The following HDHD5 variants were observed in gnomAD, a reference collection of about 807,000 sequenced individuals.
The protein encoded by HDHD5 is haloacid dehalogenase like hydrolase domain containing 5.
Under a neutral mutation model 35.5 loss-of-function variants are expected in HDHD5, and 34 were observed. The ratio of observed to expected loss-of-function variants is 0.96; its 90% CI spans 0.73 to 1.28. The LOEUF (loss-of-function observed/expected upper bound fraction) is 1.28. Ranked by LOEUF, HDHD5 falls within the 50% of genes most tolerant of loss-of-function variation. The probability of loss-of-function intolerance (pLI) is 0.00; values close to 1 mark genes in which losing one functional copy is unlikely to be tolerated. For synonymous variants in HDHD5, 248 were observed against 240.6 expected, an observed-to-expected ratio of 1.03 and a Z score of -0.29; for missense variants, 589 against 560.2, an observed-to-expected ratio of 1.05 and a Z score of -0.52.
chr22:17,138,360 G>A lies in HDHD5; in HGVS notation c.936-3C>T, dbSNP rs767158542. 2.1e-5 allele frequency: 33 copies of A among 1,602,496 alleles called. No homozygotes were observed. The highest frequency in any genetic ancestry group is 2.7e-5 in the African/African-American group (2 of 74,294). On this transcript the variant is annotated splice_polypyrimidine_tract_variant and splice_region_variant and intron_variant, in intron 7 of 7. Coordinates refer to ENST00000336737, the MANE Select transcript of HDHD5 (RefSeq NM_033070.3). ...ATACGTCAGACATAGGGTTATCACT[G>A]GCAGGGGCAGCCACACCGGAAAAGG...
intron 1 of HDHD5, among the ~76,000 whole-genome samples, chr22:17,155,844 A>G (rs2061783617): frequency 6.6e-6 from 1 of 152,232 alleles, no homozygotes; most frequent in African/African-American, 2.4e-5. Flanking sequence ...ATGGAACAGG[A>G]ACTCATAGCT....
chr22:17,159,211 C>A lies in HDHD5; in HGVS notation c.41G>T (p.Arg14Leu). 8.3e-7 allele frequency: 1 copy of A among 1,210,072 alleles called. No individual in the cohort carries two copies. The highest frequency in any genetic ancestry group is 3.4e-5 in the East Asian group (1 of 29,354). The allele number at this position is 1,210,072 out of a possible 1,614,324, so 75.0% of individuals were successfully genotyped here. A position where few individuals can be genotyped will look rare whatever the true frequency, so the allele number is the denominator to read the frequency against. ...WGCVAALGAA[R>L]GLCWRAARAA... ...GCGCGCCGCCCGCCAGCAAAGCCCACGCGCCGCGCCGAGCGCAGCCACACA... is the reference window on the plus strand; with the variant it reads ...GCGCGCCGCCCGCCAGCAAAGCCCAAGCGCCGCGCCGAGCGCAGCCACACA... The change falls in exon 1 of 8, where the codon CGT becomes CTT. Residue 14 changes from arginine (R) to leucine (L), a missense_variant. Physicochemically the swap from Arg to Leu is moderately radical, Grantham distance 102 (BLOSUM62 -2). Transcript: ENST00000336737.
At chr22:17,160,233 C>G (rs2061853859), upstream of HDHD5, among the ~76,000 whole-genome samples, 1 of 152,104 alleles carries the variant, frequency 6.6e-6, no homozygotes. Flanking sequence ...ATTAGCAGGC[C>G]AGGGTGCGGT....
chr22:17,164,222 GAAAAAAAAAA>G (rs60212114), upstream of HDHD5, among the ~76,000 whole-genome samples: 2 of 111,960 alleles, frequency 1.8e-5, no homozygotes, highest in Non-Finnish European at 3.8e-5. Context: ...CTCCATCTCA[GAAAAAAAAAA>G]AAAAAAAAAA....
At chr22:17,159,983 AGCCGACTCC>A (rs1409579921), upstream of HDHD5, 1 of 160,014 alleles carries the variant, frequency 6.2e-6, no homozygotes, top group African/African-American at 2.4e-5. Flanking sequence ...GTGGAGAGGT[AGCCGACTCC>A]GTCCGTGGAG....
At chr22:17,164,980 G>T (rs2061883059) in intron 1 of HDHD5, among the ~76,000 whole-genome samples, 1 of 152,146 alleles carries the variant, frequency 6.6e-6, no homozygotes, top group Non-Finnish European at 1.5e-5. Flanking sequence ...GTCAGGAAGG[G>T]CTTGCAGGAG....
At position 17,157,076 on chromosome 22, in the gene HDHD5, T is replaced by TCTCACACACACACACA. The variant is rs1555881505; in HGVS notation, c.126+2049_126+2050insTGTGTGTGTGTGTGAG. The stretch of plus-strand genomic sequence containing the variant: ...CCGGGCAACAGAGCTAGACACCGTC[T>TCTCACACACACACACA]CACACACATACACACACACACACAC... On this transcript the variant is annotated intron_variant, in intron 1 of 7. Transcript: ENST00000336737. Among the ~76,000 whole-genome samples the TCTCACACACACACACA allele has an allele frequency of 3.6e-3, 202 of 56,162 alleles. 1 individual carries two copies. Among genetic ancestry groups the TCTCACACACACACACA allele is most frequent in the African/African-American group, 0.015 (196 of 13,150 alleles). The allele number at this position is 56,162 out of a possible 152,430, so 36.8% of individuals were successfully genotyped here. A position where few individuals can be genotyped will look rare whatever the true frequency, so the allele number is the denominator to read the frequency against.
At chr22:17,161,096 A>T (rs975662542), upstream of HDHD5, among the ~76,000 whole-genome samples, 9 of 151,698 alleles carry the variant, frequency 5.9e-5, no homozygotes, top group African/African-American at 2.2e-4. Flanking sequence ...TCTACTAAAA[A>T]TACAAAAATT....
At chr22:17,161,473 C>T (rs1043505219), upstream of HDHD5, among the ~76,000 whole-genome samples, 1 of 151,682 alleles carries the variant, frequency 6.6e-6, no homozygotes, top group African/African-American at 2.4e-5. Flanking sequence ...GCAGGAGAAT[C>T]ACTTGAACCT....
At position 17,141,615 on chromosome 22, in the gene HDHD5, G is replaced by A. The variant is rs1469593680; in HGVS notation, c.572-382C>T. On this transcript the variant is annotated intron_variant, in intron 5 of 7. Coordinates refer to ENST00000336737, the MANE Select transcript of HDHD5 (RefSeq NM_033070.3). ...TCAGTCGCTTCTCTCTGAGCCCCAG[G>A]GACTGGCAGAACCTAACAGCCAGGA... 1.4e-5 allele frequency: 15 copies of A among 1,056,396 alleles called. No homozygotes were observed. In the East Asian group the frequency reaches 5.0e-4, roughly 35 times the overall value. 65.4% of individuals were successfully genotyped at this position (1,056,396 alleles called of 1,614,324 possible). A position where few individuals can be genotyped will look rare whatever the true frequency, so the allele number is the denominator to read the frequency against.
At position 17,143,120 on chromosome 22, in the gene HDHD5, C is replaced by T; in HGVS notation, c.549G>A (p.Arg183=). The part of the protein sequence containing the change: ...ERRLKTTPLP[R]NDFPRIEGVL... Reference sequence around the variant, plus strand: ...TACCTTCAATGCGGGGGAAGTCATTCCTCGGGAGGGGCTGCAGAGAGACAA... The same window carrying T: ...TACCTTCAATGCGGGGGAAGTCATTTCTCGGGAGGGGCTGCAGAGAGACAA... Residue 183 remains arginine, a synonymous_variant, in exon 5 of 8, where the codon AGG becomes AGA. Transcript: ENST00000336737. The T allele has an allele frequency of 6.2e-7, 1 of 1,609,636 alleles. No homozygotes were observed. Among genetic ancestry groups the T allele is most frequent in the Non-Finnish European group, 8.5e-7 (1 of 1,178,284 alleles).
At chr22:17,144,591 T>A (rs1433656679) in intron 4 of HDHD5, among the ~76,000 whole-genome samples, 5 of 152,098 alleles carry the variant, frequency 3.3e-5, no homozygotes, top group African/African-American at 1.2e-4. Context: ...TTTTTGTATT[T>A]TTAGTAGAGA....
chr22:17,145,188 A>G, intron 3 of HDHD5, 71 bp from the exon 4 acceptor site: 1 of 1,590,836 alleles, frequency 6.3e-7, no homozygotes, highest in South Asian at 1.1e-5. Flanking sequence ...ATCAAATCAC[A>G]AGTGAAGGGA....
intron 1 of HDHD5, among the ~76,000 whole-genome samples, chr22:17,157,115 A>C (rs868793212): frequency 9.9e-5 from 8 of 81,010 alleles, no homozygotes; most frequent in South Asian, 3.8e-4. Context: ...CACACACACA[A>C]AAGAAAAAAG....
At position 17,165,104 on chromosome 22, in the gene HDHD5, G is replaced by A. The variant is rs143741519; in HGVS notation, c.36+105C>T. The A allele has an allele frequency of 2.5e-4, 179 of 709,198 alleles. No individual in the cohort carries two copies. In the East Asian group the frequency reaches 4.6e-3, roughly 18 times the overall value. 43.9% of individuals were successfully genotyped at this position (709,198 alleles called of 1,614,324 possible). On this transcript the variant is annotated intron_variant, in intron 1 of 7. Transcript: ENST00000155674. The stretch of plus-strand genomic sequence containing the variant: ...TCTGAGAAGGTGGAGTTCTCTGTAG[G>A]GAAGGGATACATATTTCCTACTAGT...
At chr22:17,163,847 G>A (rs781040457), upstream of HDHD5, among the ~76,000 whole-genome samples, 30 of 152,174 alleles carry the variant, frequency 2.0e-4, no homozygotes, top group Middle Eastern at 6.3e-3. Context: ...AGCTGCTTGA[G>A]GGCAGTGTCT....
chr22:17,149,340 T>C (rs571528699), intron 2 of HDHD5, among the ~76,000 whole-genome samples: 1 of 152,282 alleles, frequency 6.6e-6, no homozygotes, highest in South Asian at 2.1e-4. Context: ...ACACCCCCAA[T>C]GCCCAGAAGA....
At chr22:17,149,064 T>C (rs2061696881) in intron 2 of HDHD5, among the ~76,000 whole-genome samples, 1 of 152,226 alleles carries the variant, frequency 6.6e-6, no homozygotes, top group Non-Finnish European at 1.5e-5. Flanking sequence ...ACATGCAACT[T>C]TGAGCAGCAT....
intron 1 of HDHD5, among the ~76,000 whole-genome samples, chr22:17,155,868 G>A (rs1369437539): frequency 6.6e-6 from 1 of 152,186 alleles, no homozygotes; most frequent in Non-Finnish European, 1.5e-5. Flanking sequence ...GAAGAGGCAA[G>A]AGAAAAGGTA....
Sources: allele counts gnomAD v4.1 joint callset (sites outside exome capture counted in the v4.1 genomes callset), GRCh38; gene constraint gnomAD v4.1.1; transcripts MANE v1.5; gene names NCBI Gene and HGNC (gene_info 2026-07-23, HGNC 2026-07-21).